The following SLFN12L variants were observed in gnomAD, a reference collection of about 807,000 sequenced individuals.
SLFN12L encodes the protein schlafen family member 12 like, also known as schlafen family member 12-like.
SLFN12L carries 34 observed loss-of-function variants against 34.8 expected under a neutral mutation model. That is an observed-to-expected ratio of 0.98 (90% CI 0.74 to 1.30). The LOEUF is 1.30. SLFN12L is among the 50% of genes most tolerant of loss of function. The pLI is 0.00. For missense variants in SLFN12L, 703 were observed against 696.2 expected (o/e 1.01, Z -0.11); for synonymous variants, 259 against 247.5 (o/e 1.05, Z -0.44).
intron 2 of SLFN12L, among the ~76,000 whole-genome samples, chr17:35,485,076 T>C (rs1478700794): frequency 6.6e-6 from 1 of 152,242 alleles, no homozygotes; most frequent in Non-Finnish European, 1.5e-5. Context: ...TCAATAGTAA[T>C]GTCTCTTCTT....
intron 2 of SLFN12L, chr17:35,487,578 G>A: frequency 1.3e-6 from 1 of 754,970 alleles, no homozygotes; most frequent in Non-Finnish European, 2.1e-6. Context: ...CCTTGCAGGC[G>A]CTGTGCCAGC....
At chr17:35,526,423 TG>T (rs1236433442) in intron 1 of SLFN12L, among the ~76,000 whole-genome samples, 1 of 152,188 alleles carries the variant, frequency 6.6e-6, no homozygotes, top group African/African-American at 2.4e-5. Context: ...CAGCACCTCA[TG>T]GCACTTATTC....
intron 2 of SLFN12L, among the ~76,000 whole-genome samples, chr17:35,481,680 C>T (rs759814275): frequency 3.5e-4 from 54 of 152,262 alleles, no homozygotes; most frequent in Non-Finnish European, 2.4e-4. Flanking sequence ...TACCAGGCTC[C>T]GCACCTTGGT....
chr17:35,529,749 C>G (rs993173849), intron 1 of SLFN12L, among the ~76,000 whole-genome samples: 15 of 151,914 alleles, frequency 9.9e-5, no homozygotes, highest in African/African-American at 3.1e-4. Flanking sequence ...ATGTGGGTGA[C>G]GGGTTGGTGG....
chr17:35,519,027 T>C (rs1208539149), intron 2 of SLFN12L, among the ~76,000 whole-genome samples: 2 of 152,230 alleles, frequency 1.3e-5, no homozygotes, highest in Non-Finnish European at 2.9e-5. Flanking sequence ...AATGAGTTCA[T>C]GTCCTTTGCA....
At chr17:35,531,936 G>C (rs1008622924) in intron 1 of SLFN12L, among the ~76,000 whole-genome samples, 2 of 151,730 alleles carry the variant, frequency 1.3e-5, no homozygotes, top group Non-Finnish European at 2.9e-5. Context: ...AGCCCGGCCT[G>C]ACAACTCTCT....
intron 1 of SLFN12L, among the ~76,000 whole-genome samples, chr17:35,527,789 G>C (rs1438477573): frequency 2.0e-5 from 3 of 152,088 alleles, no homozygotes; most frequent in African/African-American, 7.2e-5. Context: ...TTGAAAACCA[G>C]CACAAGACAA....
chr17:35,479,752 T>C lies in SLFN12L; in HGVS notation c.530A>G (p.Lys177Arg). 1 of 1,614,116 alleles carries C rather than the reference T, an allele frequency of 6.2e-7. No individual in the cohort carries two copies. Among genetic ancestry groups the C allele is most frequent in the Non-Finnish European group, 8.5e-7 (1 of 1,180,002 alleles). ...SLYKRDVTSA[K>R]VMNASAALEF... ...CAGTGCAGCAGAAGCATTCATGACT[T>C]TTGCAGACGTTACATCTCTCTTGTA... The change falls in exon 3 of 5, where the codon AAA (lysine) becomes AGA (arginine). Residue 177 changes from lysine to arginine, a missense_variant. Physicochemically the swap from Lys to Arg is conservative, Grantham distance 26. Transcript: ENST00000628453.
chr17:35,500,370 T>TAAAA (rs1471884937), intron 2 of SLFN12L: 6 of 152,202 alleles, frequency 3.9e-5, no homozygotes, highest in Middle Eastern at 3.2e-3. Flanking sequence ...AAGTAAAAAC[T>TAAAA]AAAAGGCAGA....
intron 2 of SLFN12L, among the ~76,000 whole-genome samples, chr17:35,504,192 C>A (rs1489583932): frequency 6.6e-6 from 1 of 152,176 alleles, no homozygotes; most frequent in Non-Finnish European, 1.5e-5. Context: ...TCCTGACTCT[C>A]CTCAGACTGG....
chr17:35,471,624 C>T lies in SLFN12L; in HGVS notation c.*3299G>A, dbSNP rs1053604987. Among the ~76,000 whole-genome samples, 1 of 151,430 alleles carries T rather than the reference C, an allele frequency of 6.6e-6. No individual in the cohort carries two copies. The highest frequency in any genetic ancestry group is 1.9e-4 in the East Asian group (1 of 5,182). On this transcript the variant is annotated 3_prime_UTR_variant, in exon 5 of 5. Transcript: ENST00000628453. ...GCATTCCTATTTCTCCACAGCCTCG[C>T]CGTGCAGTGGAGACTTTTTAATAAT...
At chr17:35,518,341 C>G (rs1324461788) in intron 2 of SLFN12L, among the ~76,000 whole-genome samples, 2 of 152,140 alleles carry the variant, frequency 1.3e-5, no homozygotes, top group African/African-American at 4.8e-5. Context: ...CACTTGAGGT[C>G]AGGAGTTTGA....
rs895516501 is a variant in SLFN12L, at chr17:35,467,666, T to C, written c.*7257A>G. Among the ~76,000 whole-genome samples, 1 of 148,528 alleles carries C rather than the reference T, an allele frequency of 6.7e-6. No homozygotes were observed. The highest frequency in any genetic ancestry group is 2.5e-5 in the African/African-American group (1 of 40,402). On this transcript the variant is annotated 3_prime_UTR_variant, in exon 5 of 5. Coordinates refer to ENST00000628453, the MANE Select transcript of SLFN12L (RefSeq NM_001363830.2). ...CTTGCCCCAGGCCTTAACCTATTTT[T>C]ATAGATTTTCAATATCAAACCCCCC... is the stretch of plus-strand genomic sequence containing the variant.
chr17:35,476,823 T>C (rs372808216), intron 4 of SLFN12L, among the ~76,000 whole-genome samples: 2 of 148,072 alleles, frequency 1.4e-5, no homozygotes, highest in South Asian at 2.1e-4. Flanking sequence ...TCTGAAGAAA[T>C]GTAACATCTA....
chr17:35,515,659 T>TTTTTTTTTG (rs1915801400), intron 2 of SLFN12L, among the ~76,000 whole-genome samples: 1 of 82,024 alleles, frequency 1.2e-5, no homozygotes, highest in Non-Finnish European at 2.7e-5. Context: ...TTTTTTTTTT[T>TTTTTTTTTG]GAGATGGAGT....
At position 35,471,099 on chromosome 17, in the gene SLFN12L, G is replaced by A. The variant is rs1234540492; in HGVS notation, c.*3824C>T. Among the ~76,000 whole-genome samples, 1 of 149,338 alleles carries A rather than the reference G, an allele frequency of 6.7e-6. No individual in the cohort carries two copies. Among genetic ancestry groups the A allele is most frequent in the Non-Finnish European group, 1.5e-5 (1 of 67,660 alleles). On this transcript the variant is annotated 3_prime_UTR_variant, in exon 5 of 5. Transcript: ENST00000628453. ...GGGTTGGTTCCATGCCTTTGCTATTGTAAATAGTGGGGCAATAAACATATG... is the reference window on the plus strand; with the variant it reads ...GGGTTGGTTCCATGCCTTTGCTATTATAAATAGTGGGGCAATAAACATATG...
Position 35,475,025 on chromosome 17 carries a change from G to A in SLFN12L, c.1737C>T (p.Ala579=), listed in dbSNP as rs770703414. The A allele has an allele frequency of 3.7e-6, 6 of 1,601,554 alleles. No homozygotes were observed. Among genetic ancestry groups the A allele is most frequent in the East Asian group, 4.5e-5 (2 of 44,478 alleles). Residue 579 remains alanine, a synonymous_variant, in exon 5 of 5, where the codon GCC becomes GCT. Transcript: ENST00000628453. ...TCTCCTTAGGTAAGATATTTGAAAGGGCCTTTTCCAAGTCTTTCATTGTTT... is the reference window on the plus strand; with the variant it reads ...TCTCCTTAGGTAAGATATTTGAAAGAGCCTTTTCCAAGTCTTTCATTGTTT... ...TAQTMKDLEK[A]LSNILPKENQ... is the part of the protein sequence containing the mutation.
At chr17:35,510,149 T>C (rs1370069342) in intron 2 of SLFN12L, 1 of 152,248 alleles carries the variant, frequency 6.6e-6, no homozygotes, top group African/African-American at 2.4e-5. Flanking sequence ...GCTTCCACTT[T>C]CTGCTTTAAT....
Position 35,471,905 on chromosome 17 carries a change from G to T in SLFN12L, c.*3018C>A, listed in dbSNP as rs914549237. Reference sequence around the variant, plus strand: ...TCATATCCTTTATCCACTTTTCAATGGGGTTGTTTTTTCCTTGTAAATTTG... The same window carrying T: ...TCATATCCTTTATCCACTTTTCAATTGGGTTGTTTTTTCCTTGTAAATTTG... On this transcript the variant is annotated 3_prime_UTR_variant, in exon 5 of 5. Transcript: ENST00000628453. Among the ~76,000 whole-genome samples, 1 of 151,810 alleles carries T rather than the reference G, an allele frequency of 6.6e-6. No homozygotes were observed. Among genetic ancestry groups the T allele is most frequent in the Non-Finnish European group, 1.5e-5 (1 of 67,944 alleles).
Sources: gnomAD v4.1 joint callset for allele counts (sites outside exome capture counted in the v4.1 genomes callset) on GRCh38, gnomAD v4.1.1 for gene constraint, MANE v1.5 for transcripts, NCBI Gene and HGNC (gene_info 2026-07-23, HGNC 2026-07-21) for gene names.